SLC5A4: variants seen among roughly 807,000 people sequenced by gnomAD.
The protein encoded by SLC5A4 is probable glucose sensor protein SLC5A4.
A neutral mutation model predicts 70.3 loss-of-function variants in SLC5A4; 55 were observed. The observed-to-expected ratio is 0.78, with a 90% confidence interval of 0.63 to 0.98. The LOEUF is 0.98. Ranked by LOEUF, SLC5A4 falls within the 50% of genes least tolerant of loss-of-function variation. The probability of loss-of-function intolerance (pLI) is 0.00; values close to 1 mark genes in which losing one functional copy is unlikely to be tolerated. For missense variants in SLC5A4, 735 were observed against 839.2 expected (o/e 0.88, Z 1.53); for synonymous variants, 268 against 305.7 (o/e 0.88, Z 1.29).
At chr22:32,337,644 A>G in the SLC5A4 span, among the ~76,000 whole-genome samples, 836 of 152,346 alleles carry the variant, frequency 5.5e-3, 5 homozygotes, top group African/African-American at 0.019. Flanking sequence ...TAGCATTTGA[A>G]CACTTATGCA....
chr22:32,245,978 G>T (rs1232010061), intron 5 of SLC5A4, among the ~76,000 whole-genome samples: 2 of 152,164 alleles, frequency 1.3e-5, no homozygotes, highest in African/African-American at 2.4e-5. Flanking sequence ...CCCATCCTGG[G>T]GAATACTTAA....
the SLC5A4 span, among the ~76,000 whole-genome samples, chr22:32,322,746 T>C: frequency 6.6e-6 from 1 of 152,000 alleles, no homozygotes; most frequent in Non-Finnish European, 1.5e-5. Context: ...GGCATGGCTG[T>C]GTGTGGGGAC....
the SLC5A4 span, among the ~76,000 whole-genome samples, chr22:32,262,249 C>T: frequency 1.7e-4 from 26 of 152,194 alleles, no homozygotes; most frequent in Non-Finnish European, 3.4e-4. Flanking sequence ...AGTCTTCACA[C>T]TGTTCTCCAT....
In SLC5A4 at chr22:32,239,956, G is replaced by A. The variant is rs200254492; in HGVS notation, c.478-866C>T. Among the ~76,000 whole-genome samples, 6 of 148,034 alleles carry A rather than the reference G, an allele frequency of 4.1e-5. No homozygotes were observed. In the East Asian group the frequency reaches 6.0e-4, roughly 15 times the overall value. On this transcript the variant is annotated intron_variant, in intron 5 of 14. Coordinates refer to ENST00000266086, the MANE Select transcript of SLC5A4 (RefSeq NM_014227.3). ...GGAGAATGGTGTGAACCTGGGAGGC[G>A]GAGCTTGCAGTGAGCAGAGATGGCG...
the SLC5A4 span, among the ~76,000 whole-genome samples, chr22:32,324,492 T>C: frequency 5.3e-5 from 8 of 152,190 alleles, no homozygotes; most frequent in Non-Finnish European, 8.8e-5. Flanking sequence ...AAAGCCCCAG[T>C]GTGTTCTTCA....
chr22:32,258,602 T>G (rs1927602231), upstream of SLC5A4, among the ~76,000 whole-genome samples: 1 of 152,174 alleles, frequency 6.6e-6, no homozygotes, highest in Admixed American at 6.6e-5. Context: ...ATCAAGGATG[T>G]GGAGAAATTG....
chr22:32,235,988 T>C (rs780118040), intron 7 of SLC5A4, among the ~76,000 whole-genome samples: 3 of 152,090 alleles, frequency 2.0e-5, no homozygotes, highest in Non-Finnish European at 4.4e-5. Context: ...CAAAAATACA[T>C]AGGAGACCCT....
chr22:32,345,434 CAATT>C, the SLC5A4 span, among the ~76,000 whole-genome samples: 2 of 152,118 alleles, frequency 1.3e-5, no homozygotes, highest in African/African-American at 4.8e-5. Context: ...CCTTTCTGTT[CAATT>C]GATTTCTTAA....
the SLC5A4 span, among the ~76,000 whole-genome samples, chr22:32,319,895 TGCCCAGCACAGGGTCA>T: frequency 6.6e-6 from 1 of 151,288 alleles, no homozygotes; most frequent in African/African-American, 2.4e-5. Context: ...CCAATAACGA[TGCCCAGCACAGGGTCA>T]GCACTCAATT....
the SLC5A4 span, among the ~76,000 whole-genome samples, chr22:32,328,108 A>C: frequency 2.0e-5 from 3 of 149,940 alleles, no homozygotes; most frequent in East Asian, 5.8e-4. Context: ...ACACACACAC[A>C]CCAGAGCCCC....
the SLC5A4 span, among the ~76,000 whole-genome samples, chr22:32,273,802 AAAAC>A: frequency 0.048 from 7,296 of 152,140 alleles, 577 homozygotes; most frequent in African/African-American, 0.17. Context: ...CAAGCAAACA[AAAAC>A]AAACAAACAA....
the SLC5A4 span, among the ~76,000 whole-genome samples, chr22:32,351,702 C>T: frequency 3.0e-4 from 12 of 40,312 alleles, no homozygotes; most frequent in African/African-American, 1.7e-3. Context: ...TCCGTCGGGG[C>T]GGGGGTGGGG....
rs1603220259 is a variant in SLC5A4, at chr22:32,218,652, C to G, written c.1842G>C (p.Lys614Asn). ...DLFCGLQKGP[K>N]LTKEEEEALS... ...AGGCTTCCTCCTCCTCCTTGGTTAG[C>G]TTGGGTCCCTTCTGCAAACCGCAGA... Residue 614 changes from lysine (K) to asparagine (N), a missense_variant, in exon 15 of 15, where the codon AAG (lysine) becomes AAC (asparagine). Physicochemically the swap from Lys to Asn is moderately conservative, Grantham distance 94 (BLOSUM62 0). Coordinates refer to ENST00000266086, the MANE Select transcript of SLC5A4 (RefSeq NM_014227.3). The G allele has an allele frequency of 1.9e-6, 3 of 1,613,966 alleles. No individual in the cohort carries two copies. The East Asian group carries it at 6.7e-5, about 36-fold the overall frequency.
intron 13 of SLC5A4, among the ~76,000 whole-genome samples, 157 bp downstream of exon 13, chr22:32,224,110 C>A (rs567086189): frequency 6.6e-6 from 1 of 152,222 alleles, no homozygotes; most frequent in Admixed American, 6.5e-5. Context: ...TTAGTAGAGA[C>A]AAGGTTTCAC....
At chr22:32,273,169 A>G in the SLC5A4 span, 51 of 401,616 alleles carry the variant, frequency 1.3e-4, no homozygotes, top group East Asian at 2.5e-3. Flanking sequence ...TTTTTTGAAC[A>G]AAACACAAGG....
At chr22:32,342,799 G>A in the SLC5A4 span, among the ~76,000 whole-genome samples, 1 of 152,102 alleles carries the variant, frequency 6.6e-6, no homozygotes, top group East Asian at 1.9e-4. Context: ...AGAACAAAAT[G>A]GCATATTCAA....
the SLC5A4 span, chr22:32,270,505 GACC>G: frequency 1.4e-6 from 1 of 723,064 alleles, no homozygotes; most frequent in Admixed American, 1.9e-5. Flanking sequence ...AGCGGACAAT[GACC>G]ACCGCAGACA....
the SLC5A4 span, among the ~76,000 whole-genome samples, chr22:32,311,492 G>A: frequency 1.3e-5 from 2 of 152,232 alleles, no homozygotes; most frequent in Non-Finnish European, 2.9e-5. Flanking sequence ...TCTCATAGGT[G>A]CCCCGGGGCA....
chr22:32,218,738 T>C lies in SLC5A4; in HGVS notation c.1769-13A>G. 6.3e-7 allele frequency: 1 copy of C among 1,596,924 alleles called. No homozygotes were observed. Among genetic ancestry groups the C allele is most frequent in the Non-Finnish European group, 8.6e-7 (1 of 1,164,650 alleles). On this transcript the variant is annotated splice_polypyrimidine_tract_variant and intron_variant, in intron 14 of 14. Coordinates refer to ENST00000266086, the MANE Select transcript of SLC5A4 (RefSeq NM_014227.3). ...TTCTCAGGATAATCTGGAACAAAGATAAGCAAATGATTGCAGAAGATCTAG... is the reference window on the plus strand; with the variant it reads ...TTCTCAGGATAATCTGGAACAAAGACAAGCAAATGATTGCAGAAGATCTAG...
Sources: allele counts gnomAD v4.1 joint callset (sites outside exome capture counted in the v4.1 genomes callset), GRCh38; gene constraint gnomAD v4.1.1; transcripts MANE v1.5; gene names NCBI Gene and HGNC (gene_info 2026-07-23, HGNC 2026-07-21).